CCDC85C: variants seen among roughly 807,000 people sequenced by gnomAD.
The protein encoded by CCDC85C is coiled-coil domain containing 85C.
In CCDC85C, 18 loss-of-function variants were observed where a neutral mutation model predicts 38.3. The observed-to-expected ratio is 0.47, with a 90% CI of 0.33 to 0.70. The LOEUF is 0.70. CCDC85C is among the 30% of genes least tolerant of loss of function. The probability of loss-of-function intolerance (pLI) is 0.03; values close to 1 mark genes in which losing one functional copy is unlikely to be tolerated. For synonymous variants in CCDC85C, 264 were observed against 293.8 expected (o/e 0.90, Z 1.04); for missense variants, 566 against 621.2 (o/e 0.91, Z 0.94).
rs1342893288 is a variant in CCDC85C, at chr14:99,572,612, A to C, written c.793+30555T>G. On this transcript the variant is annotated intron_variant, in intron 1 of 5. Transcript: ENST00000380243. This position sits in a 1 kb window ranked among gnomAD's most constrained non-coding sequence, Gnocchi z 4.4. ...GCTCTGACATCTGTCCTTTGCTGGA[A>C]ACCTTCCAGGGACGACAGCTGCTTA... 2.2e-6 allele frequency: 1 copy of C among 451,376 alleles called. No homozygotes were observed. Among genetic ancestry groups the C allele is most frequent in the East Asian group, 7.0e-5 (1 of 14,338 alleles). 28.0% of individuals were successfully genotyped at this position (451,376 alleles called of 1,614,324 possible). A position where few individuals can be genotyped will look rare whatever the true frequency, so the allele number is the denominator to read the frequency against.
rs573230376 is a variant in CCDC85C, at chr14:99,524,437, CA to C, written c.868-2198del. Among the ~76,000 whole-genome samples, 4 of 152,174 alleles carry C rather than the reference CA, an allele frequency of 2.6e-5. No homozygotes were observed. The South Asian group carries it at 8.3e-4, about 32-fold the overall frequency. ...TGTGCTGCCGTCCCCTCCCCTCCCCCAGATAATTTCCCTGGGAGGAGATGTG... is the reference window on the plus strand; with the variant it reads ...TGTGCTGCCGTCCCCTCCCCTCCCCCGATAATTTCCCTGGGAGGAGATGTG... On this transcript the variant is annotated intron_variant, in intron 2 of 5. Transcript: ENST00000380243.
At chr14:99,552,110 C>T (rs532389122) in intron 1 of CCDC85C, among the ~76,000 whole-genome samples, 1 of 152,282 alleles carries the variant, frequency 6.6e-6, no homozygotes, top group East Asian at 1.9e-4. Flanking sequence ...AGGTGGGAGG[C>T]TCAGGAAGGA....
chr14:99,543,504 G>A (rs1163259107), intron 1 of CCDC85C, among the ~76,000 whole-genome samples: 2 of 152,164 alleles, frequency 1.3e-5, no homozygotes, highest in African/African-American at 4.8e-5. Flanking sequence ...GGAGAGAGGG[G>A]CAGAGAACAG....
chr14:99,540,762 C>T (rs1371342242), intron 1 of CCDC85C, among the ~76,000 whole-genome samples: 1 of 152,200 alleles, frequency 6.6e-6, no homozygotes, highest in Non-Finnish European at 1.5e-5. Context: ...CAGACCTAAG[C>T]TCCCCTCACC....
chr14:99,586,928 C>A (rs994891408), intron 1 of CCDC85C, among the ~76,000 whole-genome samples: 5 of 152,226 alleles, frequency 3.3e-5, no homozygotes, highest in African/African-American at 7.2e-5. Context: ...CAGCCACGGG[C>A]GGCACTCCCG....
chr14:99,517,803 G>C, intron 3 of CCDC85C, among the ~76,000 whole-genome samples: 1 of 152,198 alleles, frequency 6.6e-6, no homozygotes, highest in East Asian at 1.9e-4. Flanking sequence ...CCCACCCCCA[G>C]CTTCCTGCCT....
rs1227600893 is a variant in CCDC85C, at chr14:99,503,285, A to C, written c.*11961T>G. On this transcript the variant is annotated 3_prime_UTR_variant, in exon 6 of 6. Transcript: ENST00000380243. ...CCGTGTCCTAGCAGTGTCGTTGTGC[A>C]TGCTGCTTCTGTGCAGCTGCCTGAC... The C allele has an allele frequency of 3.2e-6, 2 of 619,170 alleles. No individual in the cohort carries two copies. Among genetic ancestry groups the C allele is most frequent in the East Asian group, 5.5e-5 (2 of 36,106 alleles). 38.4% of individuals were successfully genotyped at this position (619,170 alleles called of 1,614,324 possible).
chr14:99,522,497 T>G, intron 2 of CCDC85C: 1 of 336,718 alleles, frequency 3.0e-6, no homozygotes, highest in Non-Finnish European at 5.5e-6. Flanking sequence ...ATAAACAGAA[T>G]GAATGAATGA....
At position 99,603,890 on chromosome 14, in the gene CCDC85C, G is replaced by A. The variant is rs1220594405; in HGVS notation, c.70C>T (p.Leu24=). ...GCCAGCTCCTCCTTGCTCCAGCGCA[G>A]CAGCTCCTCGTCCGGCACCTGGCTC... The part of the protein sequence containing the change: ...ELSQVPDEEL[L]RWSKEELARR... Residue 24 remains leucine, a synonymous_variant, in exon 1 of 6, where the codon CTG becomes TTG. Transcript: ENST00000380243. The surrounding 1 kb of genome is among the most constrained non-coding windows in gnomAD (Gnocchi z 7.5). 2 of 1,496,174 alleles carry A rather than the reference G, an allele frequency of 1.3e-6. No individual in the cohort carries two copies. The allele number at this position is 1,496,174 out of a possible 1,614,324, so 92.7% of individuals were successfully genotyped here.
rs1486786613 is a variant in CCDC85C, at chr14:99,502,187, T to G, written c.*13059A>C. The G allele has an allele frequency of 1.3e-6, 2 of 1,553,594 alleles. No individual in the cohort carries two copies. The highest frequency in any genetic ancestry group is 2.7e-5 in the African/African-American group (2 of 72,948). The stretch of plus-strand genomic sequence containing the variant: ...ATATTAGATCATATTATCTAACCTT[T>G]TTTTTTCTTGTTGAACTAGTCTCTG... On this transcript the variant is annotated 3_prime_UTR_variant, in exon 6 of 6. Transcript: ENST00000380243.
At position 99,544,049 on chromosome 14, in the gene CCDC85C, C is replaced by T. The variant is rs764897722; in HGVS notation, c.794-7961G>A. Among the ~76,000 whole-genome samples the T allele has an allele frequency of 2.0e-5, 3 of 152,190 alleles. No homozygotes were observed. The highest frequency in any genetic ancestry group is 4.4e-5 in the Non-Finnish European group (3 of 68,036). On this transcript the variant is annotated intron_variant, in intron 1 of 5. Coordinates refer to ENST00000380243, the MANE Select transcript of CCDC85C (RefSeq NM_001144995.2). This position sits in a 1 kb window ranked among gnomAD's most constrained non-coding sequence, Gnocchi z 5.3. ...AAGAGAACCATCTTTCCCATTCGCA[C>T]ACACACAGTTTGCTGAGTACCCACC...
At chr14:99,541,435 A>G (rs891160095) in intron 1 of CCDC85C, among the ~76,000 whole-genome samples, 1 of 152,164 alleles carries the variant, frequency 6.6e-6, no homozygotes, top group African/African-American at 2.4e-5. Context: ...ACGCCTCCCT[A>G]TGATCTTATA....
intron 3 of CCDC85C, among the ~76,000 whole-genome samples, chr14:99,521,741 T>C (rs969780381): frequency 6.6e-6 from 1 of 152,190 alleles, no homozygotes; most frequent in Non-Finnish European, 1.5e-5. Flanking sequence ...GTCAGCCAGG[T>C]AGGGGCAGAG....
intron 1 of CCDC85C, among the ~76,000 whole-genome samples, chr14:99,562,896 T>G (rs1461169195): frequency 1.3e-5 from 2 of 152,092 alleles, no homozygotes; most frequent in African/African-American, 4.8e-5. Flanking sequence ...CACACAGGTA[T>G]GTGCACACTC....
rs182695956 is a variant in CCDC85C at position 99,501,233 on chromosome 14, C to T, written c.*14013G>A. The T allele has an allele frequency of 5.4e-5, 37 of 689,700 alleles. No homozygotes were observed. The East Asian group carries it at 5.7e-4, about 11-fold the overall frequency. The allele number at this position is 689,700 out of a possible 1,614,324, so 42.7% of individuals were successfully genotyped here. A position where few individuals can be genotyped will look rare whatever the true frequency, so the allele number is the denominator to read the frequency against. On this transcript the variant is annotated 3_prime_UTR_variant, in exon 6 of 6. Coordinates refer to ENST00000380243, the MANE Select transcript of CCDC85C (RefSeq NM_001144995.2). ...CCACATCATTCATCCTTGTTTCCCA[C>T]GCAAAAGCTCTTTGCTGTGTATTTG...
chr14:99,516,830 G>C lies in CCDC85C; in HGVS notation c.1071+258C>G, dbSNP rs1023182765. Among the ~76,000 whole-genome samples, 3 of 152,068 alleles carry C rather than the reference G, an allele frequency of 2.0e-5. No homozygotes were observed. Among genetic ancestry groups the C allele is most frequent in the Non-Finnish European group, 4.4e-5 (3 of 68,010 alleles). ...CCCCTCTCTCTCTGGCCTTAGTTGG[G>C]TGCCTGCCCTCCCCGACCCCAGGCC... On this transcript the variant is annotated intron_variant, in intron 4 of 5. Transcript: ENST00000380243. The surrounding 1 kb of genome is among the most constrained non-coding windows in gnomAD (Gnocchi z 5.5).
intron 1 of CCDC85C, among the ~76,000 whole-genome samples, chr14:99,538,257 C>T (rs932388864): frequency 7.2e-5 from 11 of 152,238 alleles, no homozygotes; most frequent in African/African-American, 2.2e-4. Context: ...CCCAGGCCCA[C>T]GCCACAGGTC....
intron 1 of CCDC85C, among the ~76,000 whole-genome samples, chr14:99,553,952 C>T (rs1204237424): frequency 2.0e-5 from 3 of 152,172 alleles, no homozygotes; most frequent in Non-Finnish European, 2.9e-5. Flanking sequence ...CTGCCTCTCC[C>T]ATCCCAGGAA....
At chr14:99,532,822 C>T (rs1262594865) in intron 2 of CCDC85C, among the ~76,000 whole-genome samples, 1 of 135,400 alleles carries the variant, frequency 7.4e-6, no homozygotes, top group Non-Finnish European at 1.5e-5. Flanking sequence ...CACTCTGTTT[C>T]CCGGGTTGGA....
Sources: allele counts gnomAD v4.1 joint callset (sites outside exome capture counted in the v4.1 genomes callset), GRCh38; gene constraint gnomAD v4.1.1; non-coding constraint Gnocchi (gnomAD v3.1); transcripts MANE v1.5; gene names NCBI Gene and HGNC (gene_info 2026-07-23, HGNC 2026-07-21).